CSRNP3: variants seen among roughly 807,000 people sequenced by gnomAD.
CSRNP3 encodes cysteine and serine rich nuclear protein 3.
CSRNP3 carries 12 observed loss-of-function variants against 48.0 expected under a neutral mutation model. That is an observed-to-expected ratio of 0.25 (90% CI 0.16 to 0.41). The LOEUF (loss-of-function observed/expected upper bound fraction) is 0.41, where lower values mean the gene tolerates loss of function less well. CSRNP3 is among the 10% of genes least tolerant of loss of function. The probability of loss-of-function intolerance (pLI) is 1.00; values close to 1 mark genes in which losing one functional copy is unlikely to be tolerated. For synonymous variants in CSRNP3, 263 were observed against 269.7 expected (o/e 0.98, Z 0.24); for missense variants, 580 against 724.4 (o/e 0.80, Z 2.29).
intron 4 of CSRNP3, among the ~76,000 whole-genome samples, chr2:165,624,009 C>T (rs1686386984): frequency 6.6e-6 from 1 of 152,264 alleles, no homozygotes; most frequent in East Asian, 1.9e-4. Context: ...GAAGTTTTCT[C>T]TTATCGCTCC....
intron 3 of CSRNP3, among the ~76,000 whole-genome samples, chr2:165,560,122 C>CTTA (rs570377170): frequency 4.6e-4 from 70 of 152,222 alleles, no homozygotes; most frequent in African/African-American, 1.7e-3. Context: ...TTTTGTACTC[C>CTTA]TTATCCAAAG....
At chr2:165,565,465 A>C (rs1335042934) in intron 3 of CSRNP3, among the ~76,000 whole-genome samples, 1 of 152,248 alleles carries the variant, frequency 6.6e-6, no homozygotes, top group African/African-American at 2.4e-5. Flanking sequence ...CACGTGTACT[A>C]TAACAACATG....
chr2:165,583,870 G>A (rs1685586380), intron 3 of CSRNP3, among the ~76,000 whole-genome samples: 1 of 152,166 alleles, frequency 6.6e-6, no homozygotes, highest in Non-Finnish European at 1.5e-5. Context: ...CTCCAAGAGA[G>A]GGTTCTTGGA....
chr2:165,636,199 C>T (rs1033038186), intron 4 of CSRNP3, among the ~76,000 whole-genome samples: 1 of 152,168 alleles, frequency 6.6e-6, no homozygotes, highest in African/African-American at 2.4e-5. Flanking sequence ...GCAAGTGACA[C>T]ATTCATATGT....
At chr2:165,621,624 T>C (rs909738986) in intron 4 of CSRNP3, among the ~76,000 whole-genome samples, 1 of 152,198 alleles carries the variant, frequency 6.6e-6, no homozygotes, top group African/African-American at 2.4e-5. Context: ...TTTTGTTTTG[T>C]TTTTGTAGAA....
chr2:165,585,355 A>C (rs1685611526), intron 3 of CSRNP3, among the ~76,000 whole-genome samples: 1 of 151,862 alleles, frequency 6.6e-6, no homozygotes, highest in African/African-American at 2.4e-5. Context: ...GAATATTTTT[A>C]CTTTTGCCAG....
chr2:165,557,611 C>T (rs114694098), intron 3 of CSRNP3, among the ~76,000 whole-genome samples: 2 of 152,296 alleles, frequency 1.3e-5, no homozygotes, highest in South Asian at 4.1e-4. Flanking sequence ...GAGCTCCCCC[C>T]ACAACCATAT....
chr2:165,596,051 C>G (rs1685804932), intron 4 of CSRNP3, among the ~76,000 whole-genome samples: 1 of 151,816 alleles, frequency 6.6e-6, no homozygotes, highest in Admixed American at 6.6e-5. Context: ...AAACTCCTGA[C>G]CTCAGGTGAT....
intron 5 of CSRNP3, among the ~76,000 whole-genome samples, chr2:165,661,588 A>G (rs1204093941): frequency 6.6e-6 from 1 of 152,216 alleles, no homozygotes; most frequent in African/African-American, 2.4e-5. Flanking sequence ...TCATAAACTC[A>G]TGAAAAGCCA....
intron 2 of CSRNP3, among the ~76,000 whole-genome samples, chr2:165,514,114 A>T (rs1432244053): frequency 2.6e-5 from 4 of 152,246 alleles, no homozygotes; most frequent in Non-Finnish European, 5.9e-5. Context: ...AAATGATGTT[A>T]TATTTATATA....
intron 3 of CSRNP3, among the ~76,000 whole-genome samples, chr2:165,532,170 A>T (rs1684822257): frequency 6.6e-6 from 1 of 152,226 alleles, no homozygotes; most frequent in African/African-American, 2.4e-5. Context: ...AACTATTCCA[A>T]TCAAGAGAAA....
At chr2:165,634,359 AC>A (rs1686592666) in intron 4 of CSRNP3, among the ~76,000 whole-genome samples, 1 of 152,142 alleles carries the variant, frequency 6.6e-6, no homozygotes, top group Admixed American at 6.5e-5. Context: ...AAAAAAACAC[AC>A]ACAGAAAAAC....
At chr2:165,653,747 G>A (rs895335009) in intron 4 of CSRNP3, among the ~76,000 whole-genome samples, 7 of 151,924 alleles carry the variant, frequency 4.6e-5, no homozygotes, top group Admixed American at 6.6e-5. Context: ...CGAGGTGGGT[G>A]GATCACCTGA....
chr2:165,496,925 T>G (rs1684290706), intron 2 of CSRNP3, among the ~76,000 whole-genome samples: 1 of 152,024 alleles, frequency 6.6e-6, no homozygotes, highest in African/African-American at 2.4e-5. Context: ...AGCTTGTAAG[T>G]TCACAAAGTA....
rs926014292 is a variant in CSRNP3 at position 165,574,247 on chromosome 2, G to T, written c.-23-20796G>T. 12 of 716,368 alleles carry T rather than the reference G, an allele frequency of 1.7e-5. No homozygotes were observed. In the African/African-American group the frequency reaches 1.8e-4, roughly 11 times the overall value. 44.4% of individuals were successfully genotyped at this position (716,368 alleles called of 1,614,324 possible). On this transcript the variant is annotated intron_variant, in intron 3 of 6. Transcript: ENST00000651982. ...GCTCGGAGGCTTTGACTGCAGAAGCGAGAGGAGGGGGCAGAAGGGAGTTCA... is the reference window on the plus strand; with the variant it reads ...GCTCGGAGGCTTTGACTGCAGAAGCTAGAGGAGGGGGCAGAAGGGAGTTCA...
intron 4 of CSRNP3, among the ~76,000 whole-genome samples, chr2:165,599,285 GAA>G (rs770631452): frequency 5.4e-5 from 4 of 74,642 alleles, no homozygotes; most frequent in South Asian, 4.8e-4. Context: ...GAGAGAGAGA[GAA>G]AGAAAGAAAG....
rs1179583779 is a variant in CSRNP3 at position 165,469,715 on chromosome 2, C to G, written c.-308C>G. The stretch of plus-strand genomic sequence containing the variant: ...CTCTCTTCAGTGTGTTCTGACGGAG[C>G]CGAAGTACAGAAACCATATTTACAG... On this transcript the variant is annotated 5_prime_UTR_variant, in exon 1 of 7. Transcript: ENST00000651982. The G allele has an allele frequency of 6.6e-6, 1 of 151,636 alleles. No individual in the cohort carries two copies. Among genetic ancestry groups the G allele is most frequent in the Non-Finnish European group, 1.5e-5 (1 of 67,846 alleles). 9.4% of individuals were successfully genotyped at this position (151,636 alleles called of 1,614,324 possible).
chr2:165,670,957 T>C (rs1011574465), intron 5 of CSRNP3, among the ~76,000 whole-genome samples: 3 of 152,194 alleles, frequency 2.0e-5, no homozygotes, highest in Admixed American at 6.5e-5. Flanking sequence ...AGATTGGCAG[T>C]ATCTACTTGA....
At position 165,614,988 on chromosome 2, in the gene CSRNP3, A is replaced by G. The variant is rs537099351; in HGVS notation, c.148+19775A>G. 1.4e-4 allele frequency among the ~76,000 whole-genome samples: 22 copies of G among 152,298 alleles called. No individual in the cohort carries two copies. The South Asian group carries it at 1.5e-3, about 10-fold the overall frequency. ...TGTTTTGTGGCCTAAAATATGGTCT[A>G]TCCTGGAGAATATTCCATGTGCTGA... On this transcript the variant is annotated intron_variant, in intron 4 of 6. Transcript: ENST00000651982.
Sources: gnomAD v4.1 joint callset for allele counts (sites outside exome capture counted in the v4.1 genomes callset) on GRCh38, gnomAD v4.1.1 for gene constraint, MANE v1.5 for transcripts, NCBI Gene and HGNC (gene_info 2026-07-23, HGNC 2026-07-21) for gene names.